HEATR5A: variants seen among roughly 807,000 people sequenced by gnomAD.
The protein encoded by HEATR5A is HEAT repeat-containing protein 5A.
A neutral mutation model predicts 218.8 loss-of-function variants in HEATR5A; 178 were observed. That is an observed-to-expected ratio of 0.81 (90% CI 0.72 to 0.92). The LOEUF (loss-of-function observed/expected upper bound fraction) is 0.92, where lower values mean the gene tolerates loss of function less well. HEATR5A is among the 40% of genes least tolerant of loss of function. The pLI is 0.00. For missense variants in HEATR5A, 2,420 were observed against 2,418.9 expected, an observed-to-expected ratio of 1.00 and a Z score of -0.01; for synonymous variants, 864 against 871.6, an observed-to-expected ratio of 0.99 and a Z score of 0.15.
At chr14:31,297,784 AT>A (rs1238638624) in intron 33 of HEATR5A, 1 of 152,218 alleles carries the variant, frequency 6.6e-6, no homozygotes, top group East Asian at 1.9e-4. Flanking sequence ...TACTCTTATT[AT>A]CTCTCATTTT....
intron 16 of HEATR5A, among the ~76,000 whole-genome samples, chr14:31,355,082 T>C (rs1403962498): frequency 6.6e-6 from 1 of 152,184 alleles, no homozygotes; most frequent in Non-Finnish European, 1.5e-5. Flanking sequence ...ATTAATCAAC[T>C]CATTCTTTGC....
chr14:31,376,529 T>A (rs942974423), intron 11 of HEATR5A, among the ~76,000 whole-genome samples: 1 of 151,876 alleles, frequency 6.6e-6, no homozygotes, highest in Non-Finnish European at 1.5e-5. Flanking sequence ...ATAATTATAA[T>A]GTATCTAGCA....
chr14:31,395,143 G>A lies in HEATR5A; in HGVS notation c.597+56C>T, dbSNP rs546246386. The A allele has an allele frequency of 1.3e-4, 151 of 1,171,538 alleles. No individual in the cohort carries two copies. In the African/African-American group the frequency reaches 2.1e-3, roughly 16 times the overall value. The allele number at this position is 1,171,538 out of a possible 1,614,324, so 72.6% of individuals were successfully genotyped here. ...CTTTTACTAATGCTTTCACAAAGAA[G>A]CTGATTTACTTTTCTTTATATTAAT... On this transcript the variant is annotated intron_variant, in intron 5 of 35. Transcript: ENST00000543095.
chr14:31,350,576 T>C (rs1901187085), intron 17 of HEATR5A, 36 bp downstream of exon 17: 2 of 1,188,730 alleles, frequency 1.7e-6, no homozygotes, highest in Middle Eastern at 2.0e-4. Flanking sequence ...TTTTAAAAAA[T>C]GAAGCCAACA....
At chr14:31,359,283 TAA>T (rs1226108280) in intron 14 of HEATR5A, among the ~76,000 whole-genome samples, 14,298 of 51,014 alleles carry the variant, frequency 0.28, 763 homozygotes, top group South Asian at 0.38. Flanking sequence ...TCTCAAAGTG[TAA>T]GAGTGTGTGT....
chr14:31,385,663 A>G (rs976182648), intron 9 of HEATR5A, among the ~76,000 whole-genome samples: 3 of 152,196 alleles, frequency 2.0e-5, no homozygotes, highest in Admixed American at 2.0e-4. Context: ...ACTGTACAGT[A>G]TAGCAAATAT....
chr14:31,368,695 C>CTATTTATT (rs71708210), intron 13 of HEATR5A, among the ~76,000 whole-genome samples: 10 of 130,706 alleles, frequency 7.7e-5, no homozygotes, highest in African/African-American at 1.9e-4. Context: ...ACATCTGACT[C>CTATTTATT]TATTTATTTA....
At chr14:31,369,608 C>CAAAAAAA (rs71430951) in intron 13 of HEATR5A, among the ~76,000 whole-genome samples, 33 of 45,156 alleles carry the variant, frequency 7.3e-4, no homozygotes, top group African/African-American at 2.8e-3. Context: ...AAAACTGTCT[C>CAAAAAAA]AAAAAAAAAA....
At chr14:31,313,936 C>T (rs1316646741) in intron 27 of HEATR5A, among the ~76,000 whole-genome samples, 1 of 152,012 alleles carries the variant, frequency 6.6e-6, no homozygotes, top group Non-Finnish European at 1.5e-5. Flanking sequence ...GATGTAGATT[C>T]AGTCTATTTT....
In HEATR5A at chr14:31,377,304, T is replaced by C. The variant is rs1902264705; in HGVS notation, c.1709-2336A>G. ...CGTTAAAAGGACAAATGAACCAACT[T>C]GAAGGGACTCCCAATGACCAAAGAT... On this transcript the variant is annotated intron_variant, in intron 11 of 35. Transcript: ENST00000543095. Among the ~76,000 whole-genome samples, 2 of 151,988 alleles carry C rather than the reference T, an allele frequency of 1.3e-5. 1 individual carries two copies. The highest frequency in any genetic ancestry group is 4.1e-4 in the South Asian group (2 of 4,822).
intron 14 of HEATR5A, among the ~76,000 whole-genome samples, chr14:31,361,057 G>A (rs577434939): frequency 1.3e-5 from 2 of 152,190 alleles, no homozygotes; most frequent in Non-Finnish European, 2.9e-5. Context: ...TTGTTTTACA[G>A]GTAAGGAAAC....
At chr14:31,406,924 G>A (rs750900972) in intron 1 of HEATR5A, among the ~76,000 whole-genome samples, 5 of 124,648 alleles carry the variant, frequency 4.0e-5, no homozygotes, top group Non-Finnish European at 7.9e-5. Context: ...CCAAGATCAC[G>A]CCATTGCATT....
chr14:31,387,391 G>A lies in HEATR5A; in HGVS notation c.934-16C>T. ...CCACATAAGCCTAAAAAGGAAAAGA[G>A]TTTTATTTTCAATATTAAATTGTTT... On this transcript the variant is annotated splice_polypyrimidine_tract_variant and intron_variant, in intron 7 of 35. Transcript: ENST00000543095. 6.3e-7 allele frequency: 1 copy of A among 1,579,900 alleles called. No homozygotes were observed. Among genetic ancestry groups the A allele is most frequent in the Non-Finnish European group, 8.6e-7 (1 of 1,156,814 alleles).
At chr14:31,404,782 C>T (rs560543513) in intron 1 of HEATR5A, among the ~76,000 whole-genome samples, 23 of 151,798 alleles carry the variant, frequency 1.5e-4, no homozygotes, top group African/African-American at 5.1e-4. Context: ...GGCATGGTGG[C>T]GCGTGCCTGT....
At chr14:31,309,268 A>G in intron 28 of HEATR5A, 86 bp from the exon 29 acceptor site, 1 of 1,453,818 alleles carries the variant, frequency 6.9e-7, no homozygotes. Flanking sequence ...GACCATTTCC[A>G]TCACTCCGAA....
At chr14:31,308,702 T>G (rs764208804) in intron 29 of HEATR5A, among the ~76,000 whole-genome samples, 2 of 151,998 alleles carry the variant, frequency 1.3e-5, no homozygotes, top group Non-Finnish European at 1.5e-5. Flanking sequence ...TTTATTAAAT[T>G]CTCGTAATAG....
chr14:31,391,643 G>A (rs1045762520), intron 6 of HEATR5A, among the ~76,000 whole-genome samples: 8 of 151,960 alleles, frequency 5.3e-5, no homozygotes, highest in African/African-American at 9.7e-5. Context: ...ACATTCACTC[G>A]CCACTCGCTG....
chr14:31,334,304 CA>C (rs1900576035), intron 22 of HEATR5A: 1 of 396,026 alleles, frequency 2.5e-6, no homozygotes, highest in South Asian at 1.9e-5. Flanking sequence ...TTTTGATTTT[CA>C]AGTTGTCTTA....
In HEATR5A at chr14:31,366,203, G is replaced by C. The variant is rs1160218828; in HGVS notation, c.1962-1905C>G. On this transcript the variant is annotated intron_variant, in intron 13 of 35. Coordinates refer to ENST00000543095, the MANE Select transcript of HEATR5A (RefSeq NM_015473.4). ...GCCAGATGATCGCTTGAGCCCACGA[G>C]TTTGAGGATATGGTGAGCTATGACT... 2.6e-5 allele frequency among the ~76,000 whole-genome samples: 4 copies of C among 152,160 alleles called. No homozygotes were observed. In the South Asian group the frequency reaches 8.3e-4, roughly 31 times the overall value.
Sources: gnomAD v4.1 joint callset for allele counts (sites outside exome capture counted in the v4.1 genomes callset) on GRCh38, gnomAD v4.1.1 for gene constraint, MANE v1.5 for transcripts, NCBI Gene and HGNC (gene_info 2026-07-23, HGNC 2026-07-21) for gene names.